The following AFF3 variants were observed in gnomAD, a reference collection of about 807,000 sequenced individuals.
AFF3 encodes ALF transcription elongation factor 3, also known as AF4/FMR2 family member 3.
In AFF3, 32 loss-of-function variants were observed where a neutral mutation model predicts 129.7. That is an observed-to-expected ratio of 0.25 (90% confidence interval 0.19 to 0.33). The LOEUF is 0.33. Ranked by LOEUF, AFF3 falls within the 10% of genes least tolerant of loss-of-function variation. The probability of loss-of-function intolerance (pLI) is 1.00; values close to 1 mark genes in which losing one functional copy is unlikely to be tolerated. For missense variants in AFF3, 1,373 were observed against 1,592.0 expected (o/e 0.86, Z 2.34); for synonymous variants, 644 against 635.4 (o/e 1.01, Z -0.20).
chr2:99,830,185 C>A (rs943059082), intron 8 of AFF3, among the ~76,000 whole-genome samples: 8 of 151,986 alleles, frequency 5.3e-5, no homozygotes, highest in Non-Finnish European at 1.2e-4. Flanking sequence ...GGGCTCAAAA[C>A]CTAGATGACC....
chr2:99,616,967 A>G (rs77402123), intron 13 of AFF3, among the ~76,000 whole-genome samples: 4 of 152,322 alleles, frequency 2.6e-5, no homozygotes, highest in African/African-American at 9.6e-5. Context: ...AGGGTCATCT[A>G]TACTGTAGCG....
chr2:99,803,320 G>C (rs1331937942), intron 8 of AFF3, among the ~76,000 whole-genome samples: 1 of 151,974 alleles, frequency 6.6e-6, no homozygotes, highest in Non-Finnish European at 1.5e-5. Flanking sequence ...ATGTGCTGTT[G>C]GATTCTGTTT....
At chr2:99,553,691 A>T (rs996533320) in intron 24 of AFF3, among the ~76,000 whole-genome samples, 1 of 152,052 alleles carries the variant, frequency 6.6e-6, no homozygotes, top group African/African-American at 2.4e-5. Context: ...AGGCAGGCAG[A>T]TCACGAGGTC....
At chr2:100,118,354 C>T (rs1294670578) in intron 2 of AFF3, among the ~76,000 whole-genome samples, 1 of 152,202 alleles carries the variant, frequency 6.6e-6, no homozygotes, top group Non-Finnish European at 1.5e-5. Context: ...AAATCTGGTT[C>T]TAATCCTTGT....
chr2:99,863,873 A>C (rs866121811), intron 7 of AFF3, among the ~76,000 whole-genome samples: 10 of 152,364 alleles, frequency 6.6e-5, no homozygotes, highest in African/African-American at 2.4e-4. Flanking sequence ...ACAATGGTGG[A>C]GCAAACTCTC....
chr2:100,052,527 T>A (rs1686424055), intron 4 of AFF3, among the ~76,000 whole-genome samples: 1 of 152,000 alleles, frequency 6.6e-6, no homozygotes, highest in Non-Finnish European at 1.5e-5. Context: ...TCCATAACAG[T>A]CCCGTGTTAA....
chr2:99,955,067 C>T (rs553946700), intron 7 of AFF3, among the ~76,000 whole-genome samples: 26 of 152,132 alleles, frequency 1.7e-4, no homozygotes, highest in South Asian at 6.2e-4. Flanking sequence ...TAAATGGCAA[C>T]TTCCACATAA....
intron 7 of AFF3, among the ~76,000 whole-genome samples, chr2:99,952,035 C>T (rs184919899): frequency 2.0e-5 from 3 of 152,300 alleles, no homozygotes; most frequent in African/African-American, 7.2e-5. Flanking sequence ...GGTTTGGTTA[C>T]TCTCCCTTTA....
At chr2:99,613,899 C>T (rs552623808) in intron 13 of AFF3, among the ~76,000 whole-genome samples, 8 of 152,280 alleles carry the variant, frequency 5.3e-5, no homozygotes, top group East Asian at 1.9e-4. Flanking sequence ...ATCAAATAGT[C>T]ATTTAGAAGA....
chr2:99,563,372 A>G (rs1211592924), intron 20 of AFF3, among the ~76,000 whole-genome samples: 1 of 151,298 alleles, frequency 6.6e-6, no homozygotes, highest in Non-Finnish European at 1.5e-5. Flanking sequence ...TTGTATTTTT[A>G]GTAGAGACGG....
chr2:100,075,427 G>T (rs1419490179), intron 4 of AFF3, among the ~76,000 whole-genome samples: 1 of 152,116 alleles, frequency 6.6e-6, no homozygotes, highest in Non-Finnish European at 1.5e-5. Flanking sequence ...ACAATATGCA[G>T]AAAGTGCAAC....
chr2:100,125,028 A>G (rs1263916244), intron 2 of AFF3, among the ~76,000 whole-genome samples: 3 of 152,230 alleles, frequency 2.0e-5, no homozygotes, highest in Admixed American at 2.0e-4. Context: ...TTCAACACAA[A>G]AACAAAAGGT....
At chr2:99,925,600 G>A (rs1053225249) in intron 7 of AFF3, among the ~76,000 whole-genome samples, 3 of 152,318 alleles carry the variant, frequency 2.0e-5, no homozygotes, top group South Asian at 4.1e-4. Context: ...ACTCAAAAGT[G>A]AAGACAGACA....
chr2:99,609,971 G>C (rs1036710564), intron 13 of AFF3, among the ~76,000 whole-genome samples: 1 of 152,152 alleles, frequency 6.6e-6, no homozygotes, highest in Non-Finnish European at 1.5e-5. Context: ...AACATTCCAT[G>C]ATGACTTGTT....
chr2:100,090,708 G>A (rs549624919), intron 4 of AFF3, among the ~76,000 whole-genome samples: 3 of 151,870 alleles, frequency 2.0e-5, no homozygotes, highest in East Asian at 1.9e-4. Context: ...AAGGAGTCTC[G>A]CTGTGACACC....
At chr2:99,596,697 T>C (rs1311134181) in intron 14 of AFF3, among the ~76,000 whole-genome samples, 1 of 152,228 alleles carries the variant, frequency 6.6e-6, no homozygotes, top group Non-Finnish European at 1.5e-5. Context: ...AGAAGTCTGT[T>C]TGTAGCCAAA....
rs115794213 is a variant in AFF3 at position 100,117,379 on chromosome 2, C to T, written c.-144-11796G>A. Reference sequence around the variant, plus strand: ...ATTTTATTCTAATGTGTCTTCCAGTCAACTAGTTTCTTCTTCAGCTTTATG... The same window carrying T: ...ATTTTATTCTAATGTGTCTTCCAGTTAACTAGTTTCTTCTTCAGCTTTATG... On this transcript the variant is annotated intron_variant, in intron 2 of 24. Coordinates refer to ENST00000672756, the MANE Select transcript of AFF3 (RefSeq NM_001386135.1). 9.3e-3 allele frequency among the ~76,000 whole-genome samples: 1,418 copies of T among 152,284 alleles called. 13 individuals are homozygous for T. The highest frequency in any genetic ancestry group is 0.02 in the African/African-American group (815 of 41,568).
chr2:100,008,396 A>G (rs926085565), intron 5 of AFF3, among the ~76,000 whole-genome samples: 49 of 152,246 alleles, frequency 3.2e-4, no homozygotes, highest in Non-Finnish European at 2.8e-4. Flanking sequence ...CTTTCTCATT[A>G]GCCCTAACAG....
intron 8 of AFF3, among the ~76,000 whole-genome samples, chr2:99,777,686 C>A (rs1231480387): frequency 1.3e-5 from 2 of 152,116 alleles, no homozygotes; most frequent in Admixed American, 1.3e-4. Context: ...TCGCCTCCAA[C>A]ATCTGGCAGG....
Sources: allele counts gnomAD v4.1 joint callset (sites outside exome capture counted in the v4.1 genomes callset), GRCh38; gene constraint gnomAD v4.1.1; transcripts MANE v1.5; gene names NCBI Gene and HGNC (gene_info 2026-07-23, HGNC 2026-07-21).